The following TBK1 variants were observed in gnomAD, a reference collection of about 807,000 sequenced individuals.
The protein encoded by TBK1 is TANK binding kinase 1.
Under a neutral mutation model 99.9 loss-of-function variants are expected in TBK1, and 37 were observed. The ratio of observed to expected loss-of-function variants is 0.37; its 90% CI spans 0.28 to 0.49. TBK1 has a LOEUF of 0.49. TBK1 is among the 20% of genes least tolerant of loss of function. The pLI is 0.98. For missense variants in TBK1, 644 were observed against 872.5 expected (o/e 0.74, Z 3.30); for synonymous variants, 258 against 279.8 (o/e 0.92, Z 0.78).
At chr12:64,461,079 C>CA (rs913723492) in intron 3 of TBK1, among the ~76,000 whole-genome samples, 52 of 113,094 alleles carry the variant, frequency 4.6e-4, no homozygotes, top group Admixed American at 1.0e-3. Flanking sequence ...GACCCTGTCT[C>CA]AAAAAAAAAA....
intron 4 of TBK1, among the ~76,000 whole-genome samples, chr12:64,465,691 ATTATATGATTCCAT>A (rs1050701638): frequency 3.2e-4 from 49 of 152,334 alleles, no homozygotes; most frequent in African/African-American, 1.1e-3. Context: ...AGGCTGCAAT[ATTATATGATTCCAT>A]TTATATGAAA....
chr12:64,481,721 A>T (rs961676287), intron 7 of TBK1, 121 bp from the exon 8 acceptor site: 46 of 680,430 alleles, frequency 6.8e-5, no homozygotes, highest in Admixed American at 1.7e-4. Context: ...TAAATTTTTT[A>T]AATTAATCTA....
chr12:64,454,672 C>CTTTTTTTTTTT (rs11358053), intron 1 of TBK1, among the ~76,000 whole-genome samples: 1 of 83,632 alleles, frequency 1.2e-5, no homozygotes, highest in Non-Finnish European at 2.1e-5. Flanking sequence ...AAACTCAGAT[C>CTTTTTTTTTTT]TTTTTTTTTT....
chr12:64,454,954 G>A (rs1166941180), intron 1 of TBK1, among the ~76,000 whole-genome samples: 1 of 151,398 alleles, frequency 6.6e-6, no homozygotes, highest in Non-Finnish European at 1.5e-5. Context: ...TGGGATTACA[G>A]GCGTGAGCCA....
In TBK1 at chr12:64,481,957, G is replaced by T. The variant is rs760086215; in HGVS notation, c.928G>T (p.Val310Leu). 6.2e-7 allele frequency: 1 copy of T among 1,608,150 alleles called. No individual in the cohort carries two copies. The highest frequency in any genetic ancestry group is 8.5e-7 in the Non-Finnish European group (1 of 1,177,324). The part of the protein sequence containing the change: ...AETSDILHRM[V>L]IHVFSLQQMT... The stretch of plus-strand genomic sequence containing the variant: ...AACTAGTGATATACTTCACCGAATG[G>T]TAATTCATGTTTTTTCGCTACAACA... The change falls in exon 8 of 21, where the codon GTA (valine) becomes TTA (leucine). Residue 310 changes from valine to leucine, a missense_variant. Physicochemically the swap from Val to Leu is conservative, Grantham distance 32. Around this residue, in one of 3 missense-constraint regions of TBK1, gnomAD observed 465 missense variants for 588.0 expected, o/e 0.79. Coordinates refer to ENST00000331710, the MANE Select transcript of TBK1 (RefSeq NM_013254.4).
chr12:64,483,854 A>G (rs964554487), intron 8 of TBK1, among the ~76,000 whole-genome samples: 1 of 152,188 alleles, frequency 6.6e-6, no homozygotes, highest in Non-Finnish European at 1.5e-5. Context: ...TAAAAATACA[A>G]AAATCAGCTG....
intron 8 of TBK1, among the ~76,000 whole-genome samples, chr12:64,483,088 C>T (rs1461336036): frequency 6.6e-6 from 1 of 152,204 alleles, no homozygotes. Flanking sequence ...GTAAAAAGCT[C>T]ACCCAGTGTG....
rs562130738 is a variant in TBK1 at position 64,494,279 on chromosome 12, A to G, written c.1522-1204A>G. 2.2e-3 allele frequency among the ~76,000 whole-genome samples: 338 copies of G among 151,822 alleles called. 4 individuals carry two copies. The South Asian group carries it at 0.029, about 13-fold the overall frequency. On this transcript the variant is annotated intron_variant, in intron 13 of 20. Coordinates refer to ENST00000331710, the MANE Select transcript of TBK1 (RefSeq NM_013254.4). Reference sequence around the variant, plus strand: ...AGGGGTTCAAGACCAGCCTGGGAACATGGTGAAACCCCAACTCTACCAAAA... The same window carrying G: ...AGGGGTTCAAGACCAGCCTGGGAACGTGGTGAAACCCCAACTCTACCAAAA...
At chr12:64,478,529 C>T (rs946671574) in intron 6 of TBK1, among the ~76,000 whole-genome samples, 3 of 152,176 alleles carry the variant, frequency 2.0e-5, no homozygotes, top group African/African-American at 7.2e-5. Context: ...CTAATCTCTT[C>T]TCAAAAAATT....
At chr12:64,462,930 C>T (rs1370607538) in intron 3 of TBK1, among the ~76,000 whole-genome samples, 2 of 152,148 alleles carry the variant, frequency 1.3e-5, no homozygotes, top group South Asian at 2.1e-4. Flanking sequence ...CAGACTGGAG[C>T]TTTGCTGCAA....
At chr12:64,459,516 T>C (rs1212542058) in intron 2 of TBK1, among the ~76,000 whole-genome samples, 1 of 151,984 alleles carries the variant, frequency 6.6e-6, no homozygotes, top group African/African-American at 2.4e-5. Context: ...GAAGAAGAAA[T>C]AAATGCCTTT....
chr12:64,465,855 C>T (rs902481442), intron 4 of TBK1, among the ~76,000 whole-genome samples: 6 of 152,056 alleles, frequency 3.9e-5, no homozygotes, highest in Non-Finnish European at 8.8e-5. Flanking sequence ...TTGTATAACT[C>T]TGTGACCATA....
At chr12:64,469,193 T>C (rs532084268) in intron 5 of TBK1, among the ~76,000 whole-genome samples, 1 of 152,156 alleles carries the variant, frequency 6.6e-6, no homozygotes, top group East Asian at 1.9e-4. Flanking sequence ...TGAATTCACC[T>C]TCAAGCTTCC....
intron 20 of TBK1, among the ~76,000 whole-genome samples, chr12:64,500,155 T>C (rs1349575588): frequency 2.6e-5 from 4 of 152,204 alleles, no homozygotes; most frequent in Non-Finnish European, 4.4e-5. Flanking sequence ...TTAACGTAAA[T>C]GTTAAGTGAC....
intron 10 of TBK1, 191 bp from the exon 11 acceptor site, chr12:64,485,735 C>A: frequency 2.2e-6 from 1 of 445,100 alleles, no homozygotes; most frequent in South Asian, 6.4e-5. Context: ...TGAGATAGTG[C>A]ATGTTTAGAT....
At chr12:64,497,292 CT>C (rs1378886797) in intron 18 of TBK1, 33 bp downstream of exon 18, 13 of 1,434,670 alleles carry the variant, frequency 9.1e-6, no homozygotes, top group Non-Finnish European at 1.2e-5. Context: ...AATTAAAATT[CT>C]TCTCAGTTTA....
intron 12 of TBK1, 23 bp downstream of exon 12, chr12:64,488,611 A>G (rs2040840685): frequency 7.0e-7 from 1 of 1,426,448 alleles, no homozygotes; most frequent in Non-Finnish European, 9.7e-7. Flanking sequence ...CTTCCTTACT[A>G]GTAGGGGTTA....
At position 64,455,909 on chromosome 12, in the gene TBK1, T is replaced by C. The variant is rs754952918; in HGVS notation, c.39T>C (p.Asp13=). ...STSNHLWLLS[D]ILGQGATANV... is the part of the protein sequence containing the mutation. ...CTAATCATCTGTGGCTTTTATCTGA[T>C]ATTTTAGGCCAAGGAGCTACTGCAA... The change falls in exon 2 of 21, where the codon GAT becomes GAC. Residue 13 remains aspartate, a synonymous_variant. Transcript: ENST00000331710. 1 of 1,614,016 alleles carries C rather than the reference T, an allele frequency of 6.2e-7. No individual in the cohort carries two copies. Among genetic ancestry groups the C allele is most frequent in the African/African-American group, 1.3e-5 (1 of 75,044 alleles).
At chr12:64,496,436 T>C (rs1429108684) in intron 16 of TBK1, 30 bp downstream of exon 16, 2 of 1,150,562 alleles carry the variant, frequency 1.7e-6, no homozygotes, top group East Asian at 2.7e-5. Flanking sequence ...TTAATAGTTA[T>C]TTTTGGTGCT....
Sources: gnomAD v4.1 joint callset for allele counts (sites outside exome capture counted in the v4.1 genomes callset) on GRCh38, gnomAD v4.1.1 for gene constraint, gnomAD v4.1.1 regional missense constraint, MANE v1.5 for transcripts, NCBI Gene and HGNC (gene_info 2026-07-23, HGNC 2026-07-21) for gene names.